Variants in MS4A4E observed in about 807,000 individuals in gnomAD.
MS4A4E encodes putative membrane-spanning 4-domains subfamily A member 4E.
In MS4A4E, 23 loss-of-function variants were observed where a neutral mutation model predicts 13.3. That is an observed-to-expected ratio of 1.73 (90% CI 1.25 to 2.45). MS4A4E has a LOEUF of 2.45. Among genes scored for constraint, MS4A4E ranks in the 30% most tolerant of loss-of-function variants. MS4A4E has a pLI of 0.00. For missense variants in MS4A4E, 144 were observed against 131.2 expected, an observed-to-expected ratio of 1.10 and a Z score of -0.48; for synonymous variants, 36 against 45.6, an observed-to-expected ratio of 0.79 and a Z score of 0.85.
At position 60,208,595 on chromosome 11, in the gene MS4A4E, C is replaced by T; in HGVS notation, c.481G>A (p.Glu161Lys). ...GCKVLCCSPSESKNKIRSNTF... is the reference protein window; with the variant it reads ...GCKVLCCSPSKSKNKIRSNTF... ...TTCAAATGAAGGCCAATACTGACCT[C>T]ACTGGGGCTACAACAAAGCACTTTA... Residue 161 changes from glutamate (E) to lysine (K), a missense_variant and splice_region_variant, in exon 6 of 9, where the codon GAG (glutamate) becomes AAG (lysine). Glu to Lys is a moderately conservative substitution (Grantham distance 56, BLOSUM62 1). Coordinates refer to ENST00000651255, the MANE Select transcript of MS4A4E (RefSeq NM_001393391.1). 8.3e-7 allele frequency: 1 copy of T among 1,199,742 alleles called. No individual in the cohort carries two copies. Among genetic ancestry groups the T allele is most frequent in the East Asian group, 2.4e-5 (1 of 42,352 alleles). 74.3% of individuals were successfully genotyped at this position (1,199,742 alleles called of 1,614,324 possible).
At chr11:60,211,006 A>G (rs531276457) in intron 5 of MS4A4E, among the ~76,000 whole-genome samples, 20 of 152,360 alleles carry the variant, frequency 1.3e-4, no homozygotes, top group Admixed American at 2.6e-4. Flanking sequence ...GGGCTCTTCT[A>G]ACTCTGAGGT....
rs181216218 is a variant in MS4A4E at position 60,200,893 on chromosome 11, G to A, written c.*650C>T. 0.03 allele frequency among the ~76,000 whole-genome samples: 4,500 copies of A among 149,640 alleles called. 96 individuals carry two copies. Among genetic ancestry groups the A allele is most frequent in the East Asian group, 0.14 (714 of 5,010 alleles). ...TGGGCAGAGGCACCCCTCACCTCCCGGACGGGGCGGCTGGCCGGGCGGGGG... is the reference window on the plus strand; with the variant it reads ...TGGGCAGAGGCACCCCTCACCTCCCAGACGGGGCGGCTGGCCGGGCGGGGG... On this transcript the variant is annotated 3_prime_UTR_variant, in exon 9 of 9. Transcript: ENST00000651255.
intron 5 of MS4A4E, among the ~76,000 whole-genome samples, chr11:60,210,802 A>G (rs1486465481): frequency 1.3e-5 from 2 of 152,082 alleles, no homozygotes; most frequent in African/African-American, 4.8e-5. Flanking sequence ...CAAATTCCAG[A>G]AAGCTCTTAT....
intron 3 of MS4A4E, among the ~76,000 whole-genome samples, chr11:60,216,350 T>C (rs1336534474): frequency 6.6e-6 from 1 of 152,076 alleles, no homozygotes; most frequent in African/African-American, 2.4e-5. Flanking sequence ...AGCGGAAACC[T>C]AGGTAGTTAC....
chr11:60,223,017 C>T (rs1314901155), intron 3 of MS4A4E, among the ~76,000 whole-genome samples: 2 of 151,942 alleles, frequency 1.3e-5, no homozygotes, highest in Non-Finnish European at 2.9e-5. Context: ...CAGACTAGGC[C>T]TTCTGGAATG....
intron 3 of MS4A4E, among the ~76,000 whole-genome samples, chr11:60,220,626 G>T (rs1325980926): frequency 6.6e-6 from 1 of 152,146 alleles, no homozygotes; most frequent in Admixed American, 6.5e-5. Flanking sequence ...TGGACTTATT[G>T]GTAAGACATT....
At chr11:60,240,970 T>C (rs546393068) in intron 1 of MS4A4E, among the ~76,000 whole-genome samples, 68 of 152,304 alleles carry the variant, frequency 4.5e-4, no homozygotes, top group Admixed American at 1.4e-3. Flanking sequence ...TGAAGATAAT[T>C]CTTCTTAGTC....
chr11:60,228,549 A>G, intron 3 of MS4A4E, 45 bp downstream of exon 3: 1 of 637,046 alleles, frequency 1.6e-6, no homozygotes, highest in South Asian at 1.9e-5. Context: ...AGTTTCTTAC[A>G]AAACTAAACA....
intron 1 of MS4A4E, among the ~76,000 whole-genome samples, chr11:60,231,310 A>T (rs1219347895): frequency 6.6e-6 from 1 of 151,850 alleles, no homozygotes; most frequent in Non-Finnish European, 1.5e-5. Context: ...TAAAAGAAAG[A>T]TAAATATAAT....
chr11:60,237,909 A>G (rs1337805864), intron 1 of MS4A4E, among the ~76,000 whole-genome samples: 2 of 151,916 alleles, frequency 1.3e-5, no homozygotes, highest in Non-Finnish European at 2.9e-5. Flanking sequence ...GGATTTTGTT[A>G]ATTTTTTAAT....
At chr11:60,227,808 G>C (rs186334264) in intron 3 of MS4A4E, among the ~76,000 whole-genome samples, 2 of 152,062 alleles carry the variant, frequency 1.3e-5, no homozygotes, top group Non-Finnish European at 2.9e-5. Context: ...GTATAGTCAA[G>C]TGATCTTTGA....
intron 1 of MS4A4E, among the ~76,000 whole-genome samples, chr11:60,232,954 A>T (rs974270654): frequency 6.6e-6 from 1 of 151,972 alleles, no homozygotes; most frequent in African/African-American, 2.4e-5. Context: ...TCAAGTTGAA[A>T]CTGTGCTCCA....
At chr11:60,236,582 T>C (rs181877600) in intron 1 of MS4A4E, among the ~76,000 whole-genome samples, 1 of 152,248 alleles carries the variant, frequency 6.6e-6, no homozygotes. Context: ...CATTTTTAAA[T>C]TATTCAGTGC....
intron 1 of MS4A4E, among the ~76,000 whole-genome samples, chr11:60,235,690 G>C (rs2084474240): frequency 6.6e-6 from 1 of 152,150 alleles, no homozygotes; most frequent in Non-Finnish European, 1.5e-5. Flanking sequence ...CAAACTATGG[G>C]CTTTTTTGTA....
chr11:60,201,756 G>A lies in MS4A4E; in HGVS notation c.783C>T (p.Pro261=), dbSNP rs755769057. 1.1e-3 allele frequency: 261 copies of A among 229,946 alleles called. 2 individuals are homozygous for A. The highest frequency in any genetic ancestry group is 6.5e-3 in the Middle Eastern group (4 of 618). 14.2% of individuals were successfully genotyped at this position (229,946 alleles called of 1,614,324 possible). ...PPKVPRVQPL[P]GRHPVWEVRS... ...TCACTTCCCAGACGGGGTGGCGGCC[G>A]GGCAGAGGCTGCACTCTCGGCACTT... is the stretch of plus-strand genomic sequence containing the variant. The change falls in exon 9 of 9, where the codon CCC becomes CCT. Residue 261 remains proline (P), a synonymous_variant. Transcript: ENST00000651255.
intron 1 of MS4A4E, among the ~76,000 whole-genome samples, chr11:60,238,419 A>C (rs936528513): frequency 3.3e-5 from 5 of 151,910 alleles, no homozygotes; most frequent in Non-Finnish European, 5.9e-5. Flanking sequence ...TATCTTCATA[A>C]AAATTTGACC....
At position 60,213,028 on chromosome 11, in the gene MS4A4E, G is replaced by A; in HGVS notation, c.327C>T (p.Tyr109=). 2.3e-6 allele frequency: 1 copy of A among 430,162 alleles called. No individual in the cohort carries two copies. The highest frequency in any genetic ancestry group is 4.1e-6 in the Non-Finnish European group (1 of 243,932). The allele number at this position is 430,162 out of a possible 1,614,324, so 26.6% of individuals were successfully genotyped here. A position where few individuals can be genotyped will look rare whatever the true frequency, so the allele number is the denominator to read the frequency against. ...TACTTGACAACTGATCGTGGTTACA[G>A]TAATGGTAACGGAATGAATAAAACG... is the stretch of plus-strand genomic sequence containing the variant. ...SLTFYSFRYH[Y]CNHDQLSSNC... The change falls in exon 5 of 9, where the codon TAC becomes TAT. Residue 109 remains tyrosine (Y), a synonymous_variant. Transcript: ENST00000651255.
At chr11:60,235,577 C>A (rs541301276) in intron 1 of MS4A4E, among the ~76,000 whole-genome samples, 1 of 152,148 alleles carries the variant, frequency 6.6e-6, no homozygotes, top group Non-Finnish European at 1.5e-5. Context: ...CACCACCTTA[C>A]TTTTTTGAAA....
chr11:60,240,091 T>C (rs767743483), intron 1 of MS4A4E, among the ~76,000 whole-genome samples: 3 of 152,182 alleles, frequency 2.0e-5, no homozygotes, highest in Non-Finnish European at 4.4e-5. Flanking sequence ...ACAAGGAATA[T>C]TATGTGGAGA....
Sources: gnomAD v4.1 joint callset for allele counts (sites outside exome capture counted in the v4.1 genomes callset) on GRCh38, gnomAD v4.1.1 for gene constraint, MANE v1.5 for transcripts, NCBI Gene and HGNC (gene_info 2026-07-23, HGNC 2026-07-21) for gene names.